Variants in RARB observed in about 807,000 individuals in gnomAD.
The protein encoded by RARB is HBV-activated protein.
A neutral mutation model predicts 51.9 loss-of-function variants in RARB; 17 were observed. That is an observed-to-expected ratio of 0.33 (90% confidence interval 0.22 to 0.49). The LOEUF (loss-of-function observed/expected upper bound fraction) is 0.49. Among genes scored for constraint, RARB ranks in the 20% least tolerant of loss-of-function variants. The pLI, the probability that RARB is intolerant of heterozygous loss-of-function variation, is 0.99. For missense variants in RARB, 369 were observed against 550.8 expected, an observed-to-expected ratio of 0.67 and a Z score of 3.30; for synonymous variants, 215 against 195.4, an observed-to-expected ratio of 1.10 and a Z score of -0.84.
rs57398440 is a variant in RARB at position 25,386,096 on chromosome 3, C to T, written c.179-75097C>T. Among the ~76,000 whole-genome samples the T allele has an allele frequency of 5.5e-3, 841 of 152,138 alleles. 7 individuals are homozygous for T. The highest frequency in any genetic ancestry group is 0.019 in the African/African-American group (793 of 41,478). ...CCTTGAAGGATCCAGAGACAGAACA[C>T]GAACAGGCAATATAGTCTGATAAAG... On this transcript the variant is annotated intron_variant, in intron 5 of 11. Transcript: ENST00000383772.
chr3:25,238,763 A>C (rs1391116462), intron 5 of RARB, among the ~76,000 whole-genome samples: 1 of 152,128 alleles, frequency 6.6e-6, no homozygotes. Flanking sequence ...CAGGTGGATC[A>C]CGAGGTCAGG....
chr3:25,101,696 C>A (rs545154514), intron 3 of RARB, among the ~76,000 whole-genome samples: 1 of 149,308 alleles, frequency 6.7e-6, no homozygotes, highest in Non-Finnish European at 1.5e-5. Flanking sequence ...TGCCATACTT[C>A]TTGATTCTTT....
intron 3 of RARB, among the ~76,000 whole-genome samples, chr3:25,569,028 A>G (rs1700607972): frequency 6.6e-6 from 1 of 152,248 alleles, no homozygotes; most frequent in Non-Finnish European, 1.5e-5. Flanking sequence ...CGGAGCATGC[A>G]GAGGGAAAGG....
intron 1 of RARB, among the ~76,000 whole-genome samples, chr3:25,446,186 TCTGTGACATATGG>T (rs2125535795): frequency 6.6e-6 from 1 of 152,388 alleles, no homozygotes; most frequent in East Asian, 1.9e-4. Flanking sequence ...TACCCACGTC[TCTGTGACATATGG>T]CTGTCATCCT....
At chr3:25,246,299 C>T (rs923015309) in intron 5 of RARB, among the ~76,000 whole-genome samples, 1 of 151,992 alleles carries the variant, frequency 6.6e-6, no homozygotes, top group Non-Finnish European at 1.5e-5. Flanking sequence ...TGTTATTACC[C>T]ATCTTCTGAA....
intron 3 of RARB, among the ~76,000 whole-genome samples, chr3:25,081,599 A>ATATATATATG (rs1307568267): frequency 6.1e-5 from 1 of 16,300 alleles, no homozygotes; most frequent in African/African-American, 2.9e-4. Context: ...ATATATATAT[A>ATATATATATG]TATATATATA....
chr3:25,011,539 G>A (rs1697394500), intron 2 of RARB, among the ~76,000 whole-genome samples: 2 of 152,080 alleles, frequency 1.3e-5, no homozygotes, highest in African/African-American at 4.8e-5. Context: ...TTTTATCAGT[G>A]AGGAAACTAA....
chr3:25,199,918 G>A (rs1191402982), intron 5 of RARB, among the ~76,000 whole-genome samples: 1 of 152,116 alleles, frequency 6.6e-6, no homozygotes, highest in South Asian at 2.1e-4. Context: ...GTGTGCATGT[G>A]TCTTCATAGC....
At chr3:25,152,712 A>ACATATTAGG in intron 4 of RARB, among the ~76,000 whole-genome samples, 1 of 152,228 alleles carries the variant, frequency 6.6e-6, no homozygotes, top group South Asian at 2.1e-4. Flanking sequence ...TACATATTAG[A>ACATATTAGG]CTCTACATAG....
intron 5 of RARB, among the ~76,000 whole-genome samples, chr3:25,406,545 T>C (rs943655685): frequency 6.6e-6 from 1 of 152,220 alleles, no homozygotes; most frequent in Non-Finnish European, 1.5e-5. Context: ...CCAGTGTCTC[T>C]TCTTCTTATA....
intron 2 of RARB, among the ~76,000 whole-genome samples, chr3:24,928,369 TGTAA>T (rs1284749641): frequency 6.6e-6 from 1 of 152,050 alleles, no homozygotes; most frequent in African/African-American, 2.4e-5. Flanking sequence ...TAACCCATCC[TGTAA>T]GTAAGACACT....
At chr3:24,897,604 T>C (rs989495574) in intron 2 of RARB, among the ~76,000 whole-genome samples, 1 of 152,222 alleles carries the variant, frequency 6.6e-6, no homozygotes, top group Non-Finnish European at 1.5e-5. Flanking sequence ...TGTTACAAGA[T>C]TAATACTTGA....
chr3:25,410,628 G>A (rs1171759123), intron 5 of RARB, among the ~76,000 whole-genome samples: 3 of 152,168 alleles, frequency 2.0e-5, no homozygotes, highest in Non-Finnish European at 4.4e-5. Context: ...AGAAAACACG[G>A]GGGTGTCTAA....
chr3:24,921,141 T>G (rs1395455648), intron 2 of RARB, among the ~76,000 whole-genome samples: 2 of 152,168 alleles, frequency 1.3e-5, no homozygotes, highest in African/African-American at 4.8e-5. Context: ...TCTGATTTTT[T>G]TTCAACGCTA....
chr3:25,009,717 T>C (rs943974567), intron 2 of RARB, among the ~76,000 whole-genome samples: 6 of 152,064 alleles, frequency 3.9e-5, no homozygotes, highest in Non-Finnish European at 7.4e-5. Flanking sequence ...AGGTCTCCCT[T>C]TCCAGCTTTC....
intron 5 of RARB, among the ~76,000 whole-genome samples, chr3:25,403,778 A>G (rs1424638564): frequency 1.4e-5 from 2 of 146,198 alleles, no homozygotes; most frequent in Admixed American, 1.5e-4. Context: ...TTTGAGCGCT[A>G]TTATTTAGCA....
chr3:25,096,327 C>T (rs779339007), intron 3 of RARB, among the ~76,000 whole-genome samples: 11 of 151,998 alleles, frequency 7.2e-5, no homozygotes, highest in Non-Finnish European at 1.5e-4. Context: ...TATGGTGCCT[C>T]AAGAGGGGAG....
intron 4 of RARB, among the ~76,000 whole-genome samples, chr3:25,164,317 A>G (rs1190557175): frequency 1.3e-5 from 2 of 152,184 alleles, no homozygotes; most frequent in Non-Finnish European, 2.9e-5. Flanking sequence ...CCTGATTGCC[A>G]TTATAGGAAG....
At chr3:24,877,346 C>CTTTTTTTTTTTT (rs66976672) in intron 2 of RARB, among the ~76,000 whole-genome samples, 6,920 of 81,194 alleles carry the variant, frequency 0.085, 1,277 homozygotes, top group Admixed American at 0.14. Context: ...AGCAATCTTA[C>CTTTTTTTTTTTT]TTTTTTTTTT....
Sources: allele counts gnomAD v4.1 joint callset (sites outside exome capture counted in the v4.1 genomes callset), GRCh38; gene constraint gnomAD v4.1.1; transcripts MANE v1.5; gene names NCBI Gene and HGNC (gene_info 2026-07-23, HGNC 2026-07-21).